The following DAB1 variants were observed in gnomAD, a reference collection of about 807,000 sequenced individuals.
The protein encoded by DAB1 is DAB adaptor protein 1.
A neutral mutation model predicts 64.6 loss-of-function variants in DAB1; 15 were observed. The observed-to-expected ratio is 0.23, with a 90% CI of 0.16 to 0.36. The LOEUF is 0.36. Ranked by LOEUF, DAB1 falls within the 10% of genes least tolerant of loss-of-function variation. DAB1 has a pLI of 1.00. For missense variants in DAB1, 596 were observed against 706.7 expected (o/e 0.84, Z 1.78); for synonymous variants, 235 against 251.9 (o/e 0.93, Z 0.64).
At chr1:57,379,717 G>A (rs11579258) in intron 1 of DAB1, among the ~76,000 whole-genome samples, 47,714 of 152,086 alleles carry the variant, frequency 0.31, 7,977 homozygotes, top group African/African-American at 0.4. Flanking sequence ...AACAAGGGCA[G>A]ATTCAGTATT....
At chr1:57,157,218 T>TA (rs1660310716) in intron 2 of DAB1, among the ~76,000 whole-genome samples, 1 of 152,186 alleles carries the variant, frequency 6.6e-6, no homozygotes, top group Non-Finnish European at 1.5e-5. Flanking sequence ...TTTTTTTTCC[T>TA]AATGTGGTCA....
intron 4 of DAB1, among the ~76,000 whole-genome samples, chr1:58,251,315 A>G (rs1241594798): frequency 6.6e-6 from 1 of 152,268 alleles, no homozygotes; most frequent in African/African-American, 2.4e-5. Context: ...AAAAGAACAC[A>G]GACAAGTAAT....
chr1:57,488,762 A>T (rs1363789158), intron 7 of DAB1, among the ~76,000 whole-genome samples: 3 of 152,174 alleles, frequency 2.0e-5, no homozygotes, highest in Admixed American at 2.0e-4. Flanking sequence ...AGTAACATAC[A>T]TAGCTAGACT....
chr1:57,724,039 A>C (rs1251381598), intron 6 of DAB1, among the ~76,000 whole-genome samples: 1 of 152,214 alleles, frequency 6.6e-6, no homozygotes, highest in Non-Finnish European at 1.5e-5. Context: ...AAGGAAACGC[A>C]GAACGTTTAT....
intron 7 of DAB1, among the ~76,000 whole-genome samples, chr1:57,578,129 T>C (rs1270244577): frequency 6.6e-6 from 1 of 152,202 alleles, no homozygotes; most frequent in East Asian, 1.9e-4. Context: ...TTAAATTAGG[T>C]CATGCCAGGG....
chr1:58,546,552 T>C (rs1343920357), intron 1 of DAB1: 2 of 114,254 alleles, frequency 1.8e-5, no homozygotes, highest in Non-Finnish European at 3.6e-5. Flanking sequence ...CCTCCTCCCG[T>C]ACCCCCATCC....
chr1:57,857,026 C>A (rs1279952062), intron 1 of DAB1, among the ~76,000 whole-genome samples: 1 of 152,126 alleles, frequency 6.6e-6, no homozygotes, highest in Non-Finnish European at 1.5e-5. Flanking sequence ...TCAGCTGAAA[C>A]CCAAGCATCT....
chr1:57,697,067 C>T (rs957291225), intron 6 of DAB1, among the ~76,000 whole-genome samples: 9 of 152,148 alleles, frequency 5.9e-5, no homozygotes, highest in African/African-American at 2.2e-4. Context: ...TCAACTGTAG[C>T]ACTTACATAC....
chr1:57,493,069 C>T (rs1052061838), intron 7 of DAB1, among the ~76,000 whole-genome samples: 2 of 152,098 alleles, frequency 1.3e-5, no homozygotes, highest in Non-Finnish European at 2.9e-5. Context: ...GCCCGCCTCC[C>T]CCATGGGCTG....
intron 5 of DAB1, among the ~76,000 whole-genome samples, chr1:58,098,511 C>T (rs1028056553): frequency 6.6e-6 from 1 of 152,164 alleles, no homozygotes; most frequent in African/African-American, 2.4e-5. Flanking sequence ...TCTGCTGATG[C>T]TCCCTGTTGG....
intron 6 of DAB1, among the ~76,000 whole-genome samples, chr1:57,803,757 C>T (rs1651237894): frequency 6.6e-6 from 1 of 152,240 alleles, no homozygotes. Context: ...GAAGCTCTCA[C>T]TTGGCATGGC....
intron 7 of DAB1, among the ~76,000 whole-genome samples, chr1:57,528,636 GGACACA>G (rs1644621527): frequency 1.8e-5 from 1 of 54,786 alleles, no homozygotes; most frequent in Non-Finnish European, 3.4e-5. Context: ...AAAAGCAGCA[GGACACA>G]CACACACACA....
chr1:58,465,823 TG>T (rs1645290829), intron 3 of DAB1, among the ~76,000 whole-genome samples: 1 of 152,082 alleles, frequency 6.6e-6, no homozygotes, highest in South Asian at 2.1e-4. Context: ...ACGAGGAAAC[TG>T]GGGGGTTCAG....
intron 6 of DAB1, among the ~76,000 whole-genome samples, chr1:57,811,492 T>C (rs1651619887): frequency 6.6e-6 from 1 of 152,208 alleles, no homozygotes; most frequent in African/African-American, 2.4e-5. Flanking sequence ...CCCAAAAAGT[T>C]GAGCAGATGC....
intron 1 of DAB1, among the ~76,000 whole-genome samples, chr1:57,392,880 C>T (rs1193835251): frequency 6.6e-6 from 1 of 152,110 alleles, no homozygotes; most frequent in Non-Finnish European, 1.5e-5. Flanking sequence ...CATGCTGTGC[C>T]ACCCATTAAG....
intron 4 of DAB1, among the ~76,000 whole-genome samples, chr1:58,162,783 C>A (rs1481537632): frequency 6.6e-6 from 1 of 152,114 alleles, no homozygotes; most frequent in Non-Finnish European, 1.5e-5. Flanking sequence ...ACATTATAGT[C>A]TATTACAAAA....
intron 1 of DAB1, among the ~76,000 whole-genome samples, chr1:57,391,958 G>A (rs535770412): frequency 1.3e-5 from 2 of 152,232 alleles, no homozygotes; most frequent in Admixed American, 1.3e-4. Context: ...GATAAGTTTA[G>A]TTTAGATCAG....
At chr1:57,575,813 A>G (rs1645242780) in intron 7 of DAB1, among the ~76,000 whole-genome samples, 1 of 152,194 alleles carries the variant, frequency 6.6e-6, no homozygotes, top group East Asian at 1.9e-4. Context: ...GTTCTGACCT[A>G]TACCCTGGAG....
intron 5 of DAB1, among the ~76,000 whole-genome samples, chr1:58,065,161 A>G (rs6587800): frequency 0.15 from 22,835 of 152,154 alleles, 1,870 homozygotes; most frequent in East Asian, 0.33. Flanking sequence ...ACCCTGTGCT[A>G]TGCATGCCCT....
Sources: gnomAD v4.1 joint callset for allele counts (sites outside exome capture counted in the v4.1 genomes callset) on GRCh38, gnomAD v4.1.1 for gene constraint, MANE v1.5 for transcripts, NCBI Gene and HGNC (gene_info 2026-07-23, HGNC 2026-07-21) for gene names.